ACTR3: variants seen among roughly 807,000 people sequenced by gnomAD.
ACTR3 encodes the protein actin related protein 3.
Under a neutral mutation model 56.8 loss-of-function variants are expected in ACTR3, and 12 were observed. That is an observed-to-expected ratio of 0.21 (90% CI 0.14 to 0.34). The LOEUF is 0.34. Ranked by LOEUF, ACTR3 falls within the 10% of genes least tolerant of loss-of-function variation. The probability of loss-of-function intolerance (pLI) is 1.00; values close to 1 mark genes in which losing one functional copy is unlikely to be tolerated. For synonymous variants in ACTR3, 162 were observed against 167.4 expected, an observed-to-expected ratio of 0.97 and a Z score of 0.25; for missense variants, 282 against 512.5, an observed-to-expected ratio of 0.55 and a Z score of 4.34.
intron 11 of ACTR3, among the ~76,000 whole-genome samples, chr2:113,956,557 G>T (rs1443661621): frequency 1.3e-5 from 2 of 152,008 alleles, no homozygotes; most frequent in African/African-American, 4.8e-5. Flanking sequence ...TCATTGCATA[G>T]AAAGTATGAT....
intron 11 of ACTR3, among the ~76,000 whole-genome samples, chr2:113,956,343 TAATTTA>T (rs1680213248): frequency 6.6e-6 from 1 of 151,844 alleles, no homozygotes; most frequent in Non-Finnish European, 1.5e-5. Context: ...AAATTGGAAG[TAATTTA>T]AATTTAATTG....
At position 113,960,411 on chromosome 2, in the gene ACTR3, G is replaced by A. The variant is rs139137994; in HGVS notation, c.*2956G>A. 1 of 151,738 alleles carries A rather than the reference G, an allele frequency of 6.6e-6. No individual in the cohort carries two copies. The highest frequency in any genetic ancestry group is 1.5e-5 in the Non-Finnish European group (1 of 67,836). The allele number at this position is 151,738 out of a possible 1,614,324, so 9.4% of individuals were successfully genotyped here. ...TAACTATTCTTGCAGATATTTCTAG[G>A]AATATTTTTAGAAATAATATGAAAT... is the stretch of plus-strand genomic sequence containing the variant. On this transcript the variant is annotated 3_prime_UTR_variant, in exon 12 of 12. Transcript: ENST00000263238.
intron 1 of ACTR3, chr2:113,890,654 C>T (rs561526635): frequency 8.2e-7 from 1 of 1,225,398 alleles, no homozygotes; most frequent in East Asian, 3.7e-5. Flanking sequence ...TGGGGGTGGT[C>T]CCCGGGCCCG....
intron 5 of ACTR3, 78 bp from the exon 6 acceptor site, chr2:113,934,201 T>G (rs1314919917): frequency 3.2e-6 from 3 of 931,906 alleles, no homozygotes; most frequent in Non-Finnish European, 4.9e-6. Context: ...GGAACTAGTT[T>G]TTTTTTTTTC....
chr2:113,958,739 A>AT lies in ACTR3; in HGVS notation c.*1287dup, dbSNP rs1397600452. On this transcript the variant is annotated 3_prime_UTR_variant, in exon 12 of 12. Transcript: ENST00000263238. ...TTGTGACCTTAAAATTTTACCAGTTATTTATAGAAAGAGAAAATGGGAAAT... is the reference window on the plus strand; with the variant it reads ...TTGTGACCTTAAAATTTTACCAGTTATTTTATAGAAAGAGAAAATGGGAAAT... 1.3e-5 allele frequency: 2 copies of AT among 151,948 alleles called. No individual in the cohort carries two copies. The highest frequency in any genetic ancestry group is 1.9e-4 in the East Asian group (1 of 5,206). The allele number at this position is 151,948 out of a possible 1,614,324, so 9.4% of individuals were successfully genotyped here. A position where few individuals can be genotyped will look rare whatever the true frequency, so the allele number is the denominator to read the frequency against.
rs764394805 is a variant in ACTR3, at chr2:113,913,250, AAATGAGCTGATTT to A, written c.100+26_100+38del. On this transcript the variant is annotated intron_variant, in intron 2 of 11. Transcript: ENST00000263238. ...CCTGTAAGTATTTCTTTTAAGCCACAAATGAGCTGATTTAAAAGATCCCCTTCCCTAATAATTT... is the reference window on the plus strand; with the variant it reads ...CCTGTAAGTATTTCTTTTAAGCCACAAAAAGATCCCCTTCCCTAATAATTT... 6.0e-5 allele frequency: 91 copies of A among 1,528,956 alleles called. No homozygotes were observed. In the South Asian group the frequency reaches 1.1e-3, roughly 18 times the overall value. The allele number at this position is 1,528,956 out of a possible 1,614,324, so 94.7% of individuals were successfully genotyped here.
intron 8 of ACTR3, among the ~76,000 whole-genome samples, chr2:113,946,944 T>C (rs904800158): frequency 2.0e-5 from 3 of 152,230 alleles, no homozygotes; most frequent in African/African-American, 7.2e-5. Context: ...GATTGAAATA[T>C]TGTATTCATT....
chr2:113,953,717 T>C (rs1303806477), intron 10 of ACTR3: 3 of 152,200 alleles, frequency 2.0e-5, no homozygotes, highest in African/African-American at 7.2e-5. Context: ...ATTGTAGATA[T>C]GATGGTTCAT....
At chr2:113,905,481 T>A (rs964707919) in intron 1 of ACTR3, among the ~76,000 whole-genome samples, 6 of 151,066 alleles carry the variant, frequency 4.0e-5, no homozygotes, top group African/African-American at 1.2e-4. Flanking sequence ...AAAAAAAAAT[T>A]TTTTTTTTGT....
chr2:113,933,375 G>C (rs1044903124), intron 5 of ACTR3, among the ~76,000 whole-genome samples: 1 of 152,036 alleles, frequency 6.6e-6, no homozygotes, highest in African/African-American at 2.4e-5. Context: ...CGGGTGTGGT[G>C]GTGGGCACCT....
At chr2:113,943,117 C>G (rs1380345695) in intron 8 of ACTR3, among the ~76,000 whole-genome samples, 1 of 152,080 alleles carries the variant, frequency 6.6e-6, no homozygotes, top group East Asian at 1.9e-4. Context: ...TATTTAAACA[C>G]GTAAGGTTAT....
intron 8 of ACTR3, chr2:113,950,803 A>G (rs780135630): frequency 1.4e-5 from 2 of 145,982 alleles, no homozygotes; most frequent in African/African-American, 2.4e-5. Flanking sequence ...TAATAAAGAC[A>G]TACCTGAGAC....
chr2:113,927,329 C>A lies in ACTR3; in HGVS notation c.226-16C>A. 1.4e-6 allele frequency: 2 copies of A among 1,474,806 alleles called. No individual in the cohort carries two copies. Among genetic ancestry groups the A allele is most frequent in the South Asian group, 1.4e-5 (1 of 71,364 alleles). 91.4% of individuals were successfully genotyped at this position (1,474,806 alleles called of 1,614,324 possible). A position where few individuals can be genotyped will look rare whatever the true frequency, so the allele number is the denominator to read the frequency against. ...TTAATAAGATTTAATTTGTATTTCC[C>A]TTTTTGTTTTAATAGTGGCCAATCC... On this transcript the variant is annotated splice_polypyrimidine_tract_variant and intron_variant, in intron 3 of 11. Transcript: ENST00000263238.
chr2:113,931,576 G>A (rs559323859), intron 5 of ACTR3, among the ~76,000 whole-genome samples, 180 bp downstream of exon 5: 32 of 151,890 alleles, frequency 2.1e-4, no homozygotes, highest in African/African-American at 7.7e-4. Context: ...GAGATATTTA[G>A]TCAGGAAAAG....
At chr2:113,909,201 A>G (rs1679257507) in intron 1 of ACTR3, among the ~76,000 whole-genome samples, 1 of 152,206 alleles carries the variant, frequency 6.6e-6, no homozygotes, top group African/African-American at 2.4e-5. Context: ...TGGTATATCC[A>G]TACAATTGGA....
chr2:113,904,003 C>T, intron 1 of ACTR3: 1 of 152,274 alleles, frequency 6.6e-6, no homozygotes, highest in Non-Finnish European at 1.5e-5. Flanking sequence ...ACCACAGGTG[C>T]CTGGCACTGC....
intron 3 of ACTR3, among the ~76,000 whole-genome samples, chr2:113,921,644 G>A (rs1428762735): frequency 6.6e-6 from 1 of 152,110 alleles, no homozygotes; most frequent in Non-Finnish European, 1.5e-5. Context: ...GTTGATTTTT[G>A]TATAAGGTGA....
chr2:113,943,840 G>T (rs560780565), intron 8 of ACTR3, among the ~76,000 whole-genome samples: 1 of 152,192 alleles, frequency 6.6e-6, no homozygotes, highest in South Asian at 2.1e-4. Flanking sequence ...ACACTTGGGT[G>T]TTGTAAAGTC....
chr2:113,916,580 A>G (rs1171502978), intron 2 of ACTR3, among the ~76,000 whole-genome samples: 1 of 152,068 alleles, frequency 6.6e-6, no homozygotes, highest in Non-Finnish European at 1.5e-5. Flanking sequence ...GTGGGATTAC[A>G]GTTTTACTGA....
Sources: gnomAD v4.1 joint callset for allele counts (sites outside exome capture counted in the v4.1 genomes callset) on GRCh38, gnomAD v4.1.1 for gene constraint, MANE v1.5 for transcripts, NCBI Gene and HGNC (gene_info 2026-07-23, HGNC 2026-07-21) for gene names.